The following CPSF3 variants were observed in gnomAD, a reference collection of about 807,000 sequenced individuals.
CPSF3 encodes the protein cleavage and polyadenylation specific factor 3, also known as cleavage and polyadenylation specificity factor subunit 3.
A neutral mutation model predicts 84.1 loss-of-function variants in CPSF3; 57 were observed. That is an observed-to-expected ratio of 0.68 (90% CI 0.55 to 0.85). The LOEUF (loss-of-function observed/expected upper bound fraction) is 0.85, where lower values mean the gene tolerates loss of function less well. CPSF3 is among the 40% of genes least tolerant of loss of function. The pLI, the probability that CPSF3 is intolerant of heterozygous loss-of-function variation, is 0.00. For missense variants in CPSF3, 522 were observed against 838.8 expected (o/e 0.62, Z 4.66); for synonymous variants, 275 against 278.1 (o/e 0.99, Z 0.11).
At chr2:9,441,724 A>C (rs1218980741) in intron 8 of CPSF3, 94 bp from the exon 9 acceptor site, 1 of 1,257,134 alleles carries the variant, frequency 8.0e-7, no homozygotes, top group African/African-American at 1.5e-5. Flanking sequence ...TGATGTGATT[A>C]ATCTCTTAGC....
chr2:9,451,824 C>A (rs1681340441), intron 11 of CPSF3, among the ~76,000 whole-genome samples: 1 of 150,388 alleles, frequency 6.6e-6, no homozygotes, highest in South Asian at 2.1e-4. Flanking sequence ...TCACGCCATT[C>A]TCCTGCCTCA....
rs1416647389 is a variant in CPSF3, at chr2:9,471,364, T to C, written c.1878T>C (p.Cys626=). The change falls in exon 17 of 18, where the codon TGT becomes TGC. Residue 626 remains cysteine, a synonymous_variant. Coordinates refer to ENST00000238112, the MANE Select transcript of CPSF3 (RefSeq NM_016207.4). ...TCAGGGACATATTTGGAGAAGACTG[T>C]GTAAGTGTAAAGGATGACTCTATTC... ...IMLQDIFGED[C]VSVKDDSILS... is the part of the protein sequence containing the mutation. The C allele has an allele frequency of 2.5e-6, 4 of 1,610,874 alleles. No homozygotes were observed. Among genetic ancestry groups the C allele is most frequent in the Admixed American group, 1.7e-5 (1 of 59,990 alleles).
At chr2:9,433,753 C>T (rs1433107425) in intron 5 of CPSF3, 118 bp from the exon 6 acceptor site, 1 of 675,092 alleles carries the variant, frequency 1.5e-6, no homozygotes, top group Non-Finnish European at 2.6e-6. Context: ...ATGTAAATTT[C>T]ATCAGTTTTA....
intron 2 of CPSF3, among the ~76,000 whole-genome samples, chr2:9,429,041 C>T (rs1329890770): frequency 6.6e-6 from 1 of 152,204 alleles, no homozygotes; most frequent in African/African-American, 2.4e-5. Context: ...GTAAAATTGT[C>T]AGCTAGATCT....
intron 15 of CPSF3, among the ~76,000 whole-genome samples, chr2:9,460,878 T>C (rs1681707213): frequency 6.6e-6 from 1 of 152,128 alleles, no homozygotes; most frequent in South Asian, 2.1e-4. Flanking sequence ...CTGGGGGAAG[T>C]GACCATACGG....
chr2:9,441,921 A>T lies in CPSF3; in HGVS notation c.1040A>T (p.Asp347Val), dbSNP rs1406257708. 1.9e-6 allele frequency: 3 copies of T among 1,614,170 alleles called. No individual in the cohort carries two copies. In the South Asian group the frequency reaches 3.3e-5, roughly 18 times the overall value. The change falls in exon 9 of 18, where the codon GAT (aspartate) becomes GTT (valine). Residue 347 changes from aspartate (D) to valine (V), a missense_variant. This residue lies in a region of CPSF3 where 329 missense variants were observed against 607.2 expected (regional missense o/e 0.54). Transcript: ENST00000238112. The stretch of plus-strand genomic sequence containing the variant: ...GAATTATTTGAAAGCTGGTGTACTG[A>T]TAAGAGGAATGGTGTCATTATAGCG... The part of the protein sequence containing the change: ...SRELFESWCT[D>V]KRNGVIIAGY...
chr2:9,431,667 C>T (rs1215512993), intron 4 of CPSF3, among the ~76,000 whole-genome samples: 1 of 151,520 alleles, frequency 6.6e-6, no homozygotes, highest in Non-Finnish European at 1.5e-5. Context: ...TCTCAGCCTC[C>T]CCAGTAGCTA....
chr2:9,463,078 C>T (rs1238034657), intron 15 of CPSF3, among the ~76,000 whole-genome samples: 1 of 152,248 alleles, frequency 6.6e-6, no homozygotes, highest in Non-Finnish European at 1.5e-5. Flanking sequence ...GTGAACAAAG[C>T]AAACAGATCT....
intron 12 of CPSF3, among the ~76,000 whole-genome samples, chr2:9,454,382 C>T (rs1251656334): frequency 1.3e-5 from 2 of 152,070 alleles, no homozygotes; most frequent in South Asian, 2.1e-4. Flanking sequence ...CACTCCAACC[C>T]GGGCAACAGT....
chr2:9,441,764 C>T, intron 8 of CPSF3, 54 bp from the exon 9 acceptor site: 8 of 1,552,224 alleles, frequency 5.2e-6, no homozygotes, highest in Non-Finnish European at 7.1e-6. Context: ...AGAAAGAATG[C>T]TTTGTCAGCT....
chr2:9,452,093 C>G (rs1681352776), intron 11 of CPSF3, among the ~76,000 whole-genome samples: 1 of 151,984 alleles, frequency 6.6e-6, no homozygotes, highest in Non-Finnish European at 1.5e-5. Context: ...CTTTGGGAGG[C>G]CGAGGTGGGC....
chr2:9,425,681 A>C (rs989436429), intron 1 of CPSF3, among the ~76,000 whole-genome samples: 6 of 151,960 alleles, frequency 3.9e-5, no homozygotes, highest in African/African-American at 1.5e-4. Context: ...GGAGTATAAG[A>C]GATGGGGCAA....
rs1680556587 is a variant in CPSF3 at position 9,430,725 on chromosome 2, A to AATTAATGCAGCCTCTTTCTTTTTAAGT, written c.213-26_213dup. 3.1e-6 allele frequency: 5 copies of AATTAATGCAGCCTCTTTCTTTTTAAGT among 1,590,312 alleles called. No homozygotes were observed. The South Asian group carries it at 5.7e-5, about 18-fold the overall frequency. ...GTATCTGATGGATAATAATTTTAAG[A>AATTAATGCAGCCTCTTTCTTTTTAAGT]ATTAATGCAGCCTCTTTCTTTTTAA... On this transcript the variant is annotated intron_variant, in intron 3 of 17. Coordinates refer to ENST00000238112, the MANE Select transcript of CPSF3 (RefSeq NM_016207.4).
At position 9,430,124 on chromosome 2, in the gene CPSF3, G is replaced by A. The variant is rs901706958; in HGVS notation, c.212+104G>A. 1.6e-5 allele frequency: 11 copies of A among 674,738 alleles called. No individual in the cohort carries two copies. The Admixed American group carries it at 2.2e-4, about 14-fold the overall frequency. The allele number at this position is 674,738 out of a possible 1,614,324, so 41.8% of individuals were successfully genotyped here. A position where few individuals can be genotyped will look rare whatever the true frequency, so the allele number is the denominator to read the frequency against. On this transcript the variant is annotated intron_variant, in intron 3 of 17. Transcript: ENST00000238112. Reference sequence around the variant, plus strand: ...TTGGTTTTTTAAAAGAGTGTTTTCTGCTAGGAAGCATATTGCAGACATCTG... The same window carrying A: ...TTGGTTTTTTAAAAGAGTGTTTTCTACTAGGAAGCATATTGCAGACATCTG...
At position 9,452,969 on chromosome 2, in the gene CPSF3, A is replaced by G; in HGVS notation, c.1452A>G (p.Ile484Met). The change falls in exon 12 of 18, where the codon ATA (isoleucine) becomes ATG (methionine). Residue 484 changes from isoleucine (I) to methionine (M), a missense_variant. This residue lies in a region of CPSF3 where 329 missense variants were observed against 607.2 expected (regional missense o/e 0.54). Coordinates refer to ENST00000238112, the MANE Select transcript of CPSF3 (RefSeq NM_016207.4). ...AACAAGGCCAGCGGGTCTCAGGAAT[A>G]CTTGTTAAAAGAAACTTTAATTATC... Reference protein sequence around the residue: ...KPEQGQRVSGILVKRNFNYHI... With the variant: ...KPEQGQRVSGMLVKRNFNYHI... 6.2e-7 allele frequency: 1 copy of G among 1,612,420 alleles called. No homozygotes were observed.
intron 14 of CPSF3, among the ~76,000 whole-genome samples, chr2:9,459,092 A>G (rs1444287550): frequency 2.0e-5 from 3 of 151,900 alleles, no homozygotes; most frequent in Non-Finnish European, 4.4e-5. Flanking sequence ...AGCCTGGGCA[A>G]TGGGAGCAAA....
At chr2:9,424,047 G>A in intron 1 of CPSF3, 2 of 1,281,128 alleles carry the variant, frequency 1.6e-6, no homozygotes, top group Non-Finnish European at 9.9e-7. Context: ...TCAGTTTCAG[G>A]GGAGGGTATG....
intron 9 of CPSF3, among the ~76,000 whole-genome samples, chr2:9,442,808 G>A (rs1430502220): frequency 6.6e-6 from 1 of 151,236 alleles, no homozygotes; most frequent in Non-Finnish European, 1.5e-5. Context: ...GCCGAGATTG[G>A]CGCCACTGCA....
Position 9,466,427 on chromosome 2 carries a change from C to G in CPSF3, c.1787-1280C>G, listed in dbSNP as rs188925553. ...GCACGCGCACACACGCACACGCGCA[C>G]ACACGCGCACACACACAAAATTAGC... On this transcript the variant is annotated intron_variant, in intron 15 of 17. Transcript: ENST00000238112. Among the ~76,000 whole-genome samples, 77 of 143,496 alleles carry G rather than the reference C, an allele frequency of 5.4e-4. 1 individual carries two copies. The East Asian group carries it at 0.013, about 25-fold the overall frequency. The allele number at this position is 143,496 out of a possible 152,430, so 94.1% of individuals were successfully genotyped here.
Sources: allele counts gnomAD v4.1 joint callset (sites outside exome capture counted in the v4.1 genomes callset), GRCh38; gene constraint gnomAD v4.1.1; regional missense constraint gnomAD v4.1.1; transcripts MANE v1.5; gene names NCBI Gene and HGNC (gene_info 2026-07-23, HGNC 2026-07-21).